TMOD2: variants seen among roughly 807,000 people sequenced by gnomAD.
TMOD2 encodes tropomodulin 2, also known as tropomodulin-2.
A neutral mutation model predicts 39.9 loss-of-function variants in TMOD2; 22 were observed. The observed-to-expected ratio is 0.55, with a 90% CI of 0.39 to 0.79. The LOEUF (loss-of-function observed/expected upper bound fraction) is 0.79. TMOD2 is among the 30% of genes least tolerant of loss of function. TMOD2 has a pLI of 0.00. For synonymous variants in TMOD2, 123 were observed against 146.1 expected, an observed-to-expected ratio of 0.84 and a Z score of 1.14; for missense variants, 386 against 413.3, an observed-to-expected ratio of 0.93 and a Z score of 0.57.
At position 51,796,006 on chromosome 15, in the gene TMOD2, C is replaced by T. The variant is rs908243697; in HGVS notation, c.733-2191C>T. Among the ~76,000 whole-genome samples the T allele has an allele frequency of 2.8e-5, 4 of 145,162 alleles. No individual in the cohort carries two copies. The Admixed American group carries it at 2.9e-4, about 11-fold the overall frequency. On this transcript the variant is annotated intron_variant, in intron 7 of 9. Coordinates refer to ENST00000249700, the MANE Select transcript of TMOD2 (RefSeq NM_014548.4). ...ATTTTTAAATTTGTGTCTGTTTCTT[C>T]TATGGCATATTGACCTGCTTGGTCA...
Position 51,813,553 on chromosome 15 carries a change from C to T in TMOD2, c.*5099C>T, listed in dbSNP as rs1460832149. 6.6e-6 allele frequency: 1 copy of T among 152,184 alleles called. No homozygotes were observed. Among genetic ancestry groups the T allele is most frequent in the Non-Finnish European group, 1.5e-5 (1 of 68,030 alleles). 9.4% of individuals were successfully genotyped at this position (152,184 alleles called of 1,614,324 possible). A position where few individuals can be genotyped will look rare whatever the true frequency, so the allele number is the denominator to read the frequency against. On this transcript the variant is annotated 3_prime_UTR_variant, in exon 10 of 10. Coordinates refer to ENST00000249700, the MANE Select transcript of TMOD2 (RefSeq NM_014548.4). ...AGATTTGGAGACTGAAACCTAATCC[C>T]ATCACCAACACTTAGCAGGTATATG...
intron 1 of TMOD2, among the ~76,000 whole-genome samples, chr15:51,761,947 A>G (rs996533734): frequency 6.6e-6 from 1 of 151,882 alleles, no homozygotes; most frequent in African/African-American, 2.4e-5. Context: ...GGAGATCGAG[A>G]CCATCCTGGC....
chr15:51,778,643 CTTTTTTTTTTTTTTTT>C (rs34790068), intron 5 of TMOD2, among the ~76,000 whole-genome samples: 10 of 68,332 alleles, frequency 1.5e-4, no homozygotes, highest in Admixed American at 2.2e-4. Flanking sequence ...AAAATTACAG[CTTTTTTTTTTTTTTTT>C]TTTTTTTTTT....
intron 4 of TMOD2, 76 bp downstream of exon 4, chr15:51,773,910 G>A (rs1399122384): frequency 4.7e-6 from 7 of 1,487,258 alleles, no homozygotes; most frequent in Non-Finnish European, 5.4e-6. Flanking sequence ...ATGGCAGCAG[G>A]CTTTGAGCTT....
chr15:51,802,315 G>C (rs1310026650), intron 8 of TMOD2, among the ~76,000 whole-genome samples: 1 of 152,136 alleles, frequency 6.6e-6, no homozygotes, highest in East Asian at 1.9e-4. Flanking sequence ...CAGAGTTGGT[G>C]TTTCTGTTTC....
At chr15:51,752,236 T>A (rs1383168092) in intron 1 of TMOD2, among the ~76,000 whole-genome samples, 1 of 152,154 alleles carries the variant, frequency 6.6e-6, no homozygotes, top group Non-Finnish European at 1.5e-5. Flanking sequence ...GTAAGCGGCC[T>A]CGTGCGGATC....
chr15:51,770,032 A>G (rs777441886), intron 3 of TMOD2, among the ~76,000 whole-genome samples: 4 of 152,154 alleles, frequency 2.6e-5, no homozygotes, highest in Non-Finnish European at 5.9e-5. Context: ...CCCTGTCTCA[A>G]AATAAATAAA....
At chr15:51,757,401 C>CA (rs3078133) in intron 1 of TMOD2, among the ~76,000 whole-genome samples, 3,840 of 81,432 alleles carry the variant, frequency 0.047, 127 homozygotes, top group African/African-American at 0.051. Context: ...GACTCCGTCT[C>CA]AAAAAAAAAA....
chr15:51,780,904 A>G, intron 5 of TMOD2, 140 bp from the exon 6 acceptor site: 1 of 656,536 alleles, frequency 1.5e-6, no homozygotes, highest in Non-Finnish European at 2.5e-6. Flanking sequence ...ATGCTTGCTT[A>G]GCTGAGAATA....
intron 5 of TMOD2, among the ~76,000 whole-genome samples, chr15:51,778,616 G>A (rs1401488235): frequency 7.1e-6 from 1 of 141,062 alleles, no homozygotes; most frequent in Non-Finnish European, 1.5e-5. Flanking sequence ...TGATCCATGT[G>A]CTTTGAAAAC....
chr15:51,776,659 G>C (rs998633509), intron 4 of TMOD2, among the ~76,000 whole-genome samples: 1 of 152,086 alleles, frequency 6.6e-6, no homozygotes, highest in Non-Finnish European at 1.5e-5. Flanking sequence ...GCAGATTTTC[G>C]GTAAATTGTG....
In TMOD2 at chr15:51,766,339, ATTCTTTTTTATTGTGT is replaced by A; in HGVS notation, c.-69-21_-69-6del. ...AATAAGTCCTGTTTACAGAACGGAG[ATTCTTTTTTATTGTGT>A]TTCTTTTTTATTAACAGTATTCTGA... is the stretch of plus-strand genomic sequence containing the variant. On this transcript the variant is annotated intron_variant, in intron 1 of 9. Coordinates refer to ENST00000249700, the MANE Select transcript of TMOD2 (RefSeq NM_014548.4). 5 of 1,118,460 alleles carry A rather than the reference ATTCTTTTTTATTGTGT, an allele frequency of 4.5e-6. No individual in the cohort carries two copies. The highest frequency in any genetic ancestry group is 6.3e-6 in the Non-Finnish European group (5 of 791,444). 69.3% of individuals were successfully genotyped at this position (1,118,460 alleles called of 1,614,324 possible).
chr15:51,808,652 C>T lies in TMOD2; in HGVS notation c.*198C>T. ...AATATATGCAATTGTTTTATTTGCT[C>T]ATGGGCACTTCTGGCAACTTGACAA... On this transcript the variant is annotated 3_prime_UTR_variant, in exon 10 of 10. Transcript: ENST00000249700. The T allele has an allele frequency of 2.5e-6, 1 of 407,490 alleles. No individual in the cohort carries two copies. The highest frequency in any genetic ancestry group is 3.7e-5 in the East Asian group (1 of 26,802). 25.2% of individuals were successfully genotyped at this position (407,490 alleles called of 1,614,324 possible).
chr15:51,760,959 C>T (rs1545602), intron 1 of TMOD2, among the ~76,000 whole-genome samples: 72,722 of 151,764 alleles, frequency 0.48, 17,705 homozygotes, highest in Admixed American at 0.54. Context: ...CCATTTTAGC[C>T]GAAGTGGGCT....
At chr15:51,789,888 A>C (rs1444456665) in intron 7 of TMOD2, among the ~76,000 whole-genome samples, 1 of 152,248 alleles carries the variant, frequency 6.6e-6, no homozygotes, top group Non-Finnish European at 1.5e-5. Context: ...ATAGCACTAA[A>C]TGCTCACAAG....
intron 1 of TMOD2, among the ~76,000 whole-genome samples, chr15:51,757,127 C>T (rs1349550123): frequency 5.3e-5 from 8 of 152,128 alleles, no homozygotes; most frequent in South Asian, 2.1e-4. Flanking sequence ...GAGGGCTGAG[C>T]GTGGTGGCTC....
At chr15:51,784,204 G>C (rs2055953283) in intron 7 of TMOD2, 1 of 152,208 alleles carries the variant, frequency 6.6e-6, no homozygotes, top group Non-Finnish European at 1.5e-5. Context: ...AGCTATGCTA[G>C]ATTTACACAC....
intron 7 of TMOD2, 72 bp from the exon 8 acceptor site, chr15:51,798,125 T>C: frequency 7.4e-7 from 1 of 1,345,240 alleles, no homozygotes; most frequent in Non-Finnish European, 1.0e-6. Context: ...AATTTGGGAG[T>C]GAGGGGTTTA....
At chr15:51,752,874 C>G (rs1018443889) in intron 1 of TMOD2, 1 of 152,122 alleles carries the variant, frequency 6.6e-6, no homozygotes, top group Non-Finnish European at 1.5e-5. Flanking sequence ...CCAATAAATA[C>G]GCATTGCAAT....
Sources: allele counts gnomAD v4.1 joint callset (sites outside exome capture counted in the v4.1 genomes callset), GRCh38; gene constraint gnomAD v4.1.1; transcripts MANE v1.5; gene names NCBI Gene and HGNC (gene_info 2026-07-23, HGNC 2026-07-21).